Variants in MUC7 observed in about 807,000 individuals in gnomAD.
MUC7 encodes the protein mucin-7.
In MUC7, 2 loss-of-function variants were observed where a neutral mutation model predicts 2.5. The ratio of observed to expected loss-of-function variants is 0.81; its 90% CI spans 0.33 to 2.55. MUC7 has a LOEUF of 2.55. Ranked by LOEUF, MUC7 falls within the 30% of genes most tolerant of loss-of-function variation. The pLI is 0.11. For synonymous variants in MUC7, 133 were observed against 173.4 expected, an observed-to-expected ratio of 0.77 and a Z score of 1.83; for missense variants, 408 against 455.6, an observed-to-expected ratio of 0.90 and a Z score of 0.95.
chr4:70,464,092 A>G (rs895626300), intron 1 of MUC7, among the ~76,000 whole-genome samples: 2 of 152,198 alleles, frequency 1.3e-5, no homozygotes, highest in African/African-American at 4.8e-5. Context: ...GGTGCAGCCC[A>G]CAGTGGGTGA....
intron 1 of MUC7, among the ~76,000 whole-genome samples, chr4:70,456,412 C>G (rs1024233156): frequency 6.6e-6 from 1 of 152,154 alleles, no homozygotes; most frequent in African/African-American, 2.4e-5. Context: ...CTATGAAGAA[C>G]TACCTGAGAC....
At chr4:70,448,859 C>A (rs1734208680) in intron 1 of MUC7, among the ~76,000 whole-genome samples, 1 of 152,134 alleles carries the variant, frequency 6.6e-6, no homozygotes, top group African/African-American at 2.4e-5. Flanking sequence ...CTCCAGTGTC[C>A]TGGAGAGTTT....
At chr4:70,444,095 T>G (rs1244562889) in intron 1 of MUC7, among the ~76,000 whole-genome samples, 9 of 152,244 alleles carry the variant, frequency 5.9e-5, no homozygotes, top group Admixed American at 5.9e-4. Context: ...CCACAAATAT[T>G]GTGACATTTG....
intron 2 of MUC7, among the ~76,000 whole-genome samples, chr4:70,477,130 C>T (rs559903066): frequency 6.6e-6 from 1 of 152,268 alleles, no homozygotes; most frequent in Admixed American, 6.5e-5. Context: ...TAATCTTGGG[C>T]CGGGTGCCGT....
upstream of MUC7, chr4:70,471,851 C>T (rs1380776280): frequency 6.6e-6 from 1 of 152,064 alleles, no homozygotes; most frequent in Non-Finnish European, 1.5e-5. Context: ...TGTCAGAAGG[C>T]AATCACTCTG....
chr4:70,474,973 T>A (rs1734952071), intron 2 of MUC7, among the ~76,000 whole-genome samples: 2 of 152,246 alleles, frequency 1.3e-5, no homozygotes, highest in Admixed American at 6.5e-5. Context: ...GGATTGTATA[T>A]GTGGTAAAAG....
In MUC7 at chr4:70,465,864, C is replaced by G. The variant is rs144583121; in HGVS notation, c.-92-6351C>G. ...GGAGAACTTCCCCAACCCAGCAAAACAGACCAACATTCAAATTCAGGAAAT... is the reference window on the plus strand; with the variant it reads ...GGAGAACTTCCCCAACCCAGCAAAAGAGACCAACATTCAAATTCAGGAAAT... On this transcript the variant is annotated intron_variant, in intron 1 of 3. Coordinates refer to the MUC7 transcript ENST00000413702. 4.6e-3 allele frequency among the ~76,000 whole-genome samples: 704 copies of G among 152,272 alleles called. 7 individuals carry two copies. The highest frequency in any genetic ancestry group is 0.016 in the African/African-American group (680 of 41,550).
At chr4:70,478,050 G>A (rs1227486796) in intron 2 of MUC7, among the ~76,000 whole-genome samples, 1 of 139,502 alleles carries the variant, frequency 7.2e-6, no homozygotes, top group Non-Finnish European at 1.6e-5. Flanking sequence ...ACCTGTAACT[G>A]CCAATCATAA....
upstream of MUC7, among the ~76,000 whole-genome samples, chr4:70,470,094 C>A (rs912311806): frequency 2.0e-5 from 3 of 152,162 alleles, no homozygotes; most frequent in African/African-American, 7.2e-5. Context: ...AGGATGAGTT[C>A]ATGTCCTTTG....
chr4:70,453,551 A>G (rs1283216260), intron 1 of MUC7, among the ~76,000 whole-genome samples: 1 of 152,220 alleles, frequency 6.6e-6, no homozygotes. Context: ...GGGGATATCT[A>G]GAAATACTGT....
At chr4:70,464,234 C>G (rs1734625560) in intron 1 of MUC7, among the ~76,000 whole-genome samples, 1 of 152,174 alleles carries the variant, frequency 6.6e-6, no homozygotes, top group Non-Finnish European at 1.5e-5. Context: ...TATTCTTTTC[C>G]CACCATCTTC....
At chr4:70,465,467 T>C (rs1734659494) in intron 1 of MUC7, among the ~76,000 whole-genome samples, 1 of 152,106 alleles carries the variant, frequency 6.6e-6, no homozygotes, top group Non-Finnish European at 1.5e-5. Context: ...AAGGAGCATG[T>C]TCTAACCCAA....
At chr4:70,455,586 A>G (rs927709838) in intron 1 of MUC7, among the ~76,000 whole-genome samples, 3 of 152,144 alleles carry the variant, frequency 2.0e-5, no homozygotes, top group African/African-American at 7.2e-5. Context: ...CATTTTACAG[A>G]GCCTGGTATC....
intron 1 of MUC7, among the ~76,000 whole-genome samples, chr4:70,434,122 C>A (rs1228737236): frequency 6.6e-6 from 1 of 152,066 alleles, no homozygotes; most frequent in Non-Finnish European, 1.5e-5. Context: ...ATTAAGTTTG[C>A]CAGTATTTTA....
intron 2 of MUC7, among the ~76,000 whole-genome samples, chr4:70,475,584 C>T (rs1284862428): frequency 6.6e-6 from 1 of 152,022 alleles, no homozygotes; most frequent in Non-Finnish European, 1.5e-5. Context: ...CAAAGTGGAC[C>T]TTCTATCTTT....
chr4:70,444,353 A>G (rs2109708451), intron 1 of MUC7, among the ~76,000 whole-genome samples: 1 of 152,188 alleles, frequency 6.6e-6, no homozygotes, highest in East Asian at 1.9e-4. Context: ...AAAGGCCACA[A>G]CACCCGTGGT....
chr4:70,471,721 T>C (rs1734840684), upstream of MUC7, among the ~76,000 whole-genome samples: 2 of 152,196 alleles, frequency 1.3e-5, no homozygotes, highest in Admixed American at 6.5e-5. Flanking sequence ...TCAGTGTTGA[T>C]TTTTTGGCTT....
intron 1 of MUC7, among the ~76,000 whole-genome samples, chr4:70,457,074 GTAAT>G (rs749268847): frequency 3.9e-5 from 6 of 152,158 alleles, no homozygotes; most frequent in Non-Finnish European, 8.8e-5. Flanking sequence ...CTGGGAAGTG[GTAAT>G]TAAGGGAATG....
intron 1 of MUC7, among the ~76,000 whole-genome samples, chr4:70,455,046 A>T (rs770509161): frequency 6.6e-6 from 1 of 152,110 alleles, no homozygotes; most frequent in Non-Finnish European, 1.5e-5. Flanking sequence ...ATATTTTTTT[A>T]GCATTCCAAG....
Sources: gnomAD v4.1 joint callset for allele counts (sites outside exome capture counted in the v4.1 genomes callset) on GRCh38, gnomAD v4.1.1 for gene constraint, MANE v1.5 for transcripts, NCBI Gene and HGNC (gene_info 2026-07-23, HGNC 2026-07-21) for gene names.